The following DENND2B variants were observed in gnomAD, a reference collection of about 807,000 sequenced individuals.
The protein encoded by DENND2B is DENN domain-containing protein 2B.
Under a neutral mutation model 116.0 loss-of-function variants are expected in DENND2B, and 32 were observed. The observed-to-expected ratio is 0.28, with a 90% CI of 0.21 to 0.37. DENND2B has a LOEUF of 0.37. Among genes scored for constraint, DENND2B ranks in the 10% least tolerant of loss-of-function variants. The pLI is 1.00. For synonymous variants in DENND2B, 588 were observed against 583.9 expected, an observed-to-expected ratio of 1.01 and a Z score of -0.10; for missense variants, 1,276 against 1,477.7, an observed-to-expected ratio of 0.86 and a Z score of 2.24.
At chr11:8,710,478 G>A (rs868074227) in intron 11 of DENND2B, among the ~76,000 whole-genome samples, 7 of 151,984 alleles carry the variant, frequency 4.6e-5, no homozygotes, top group Admixed American at 1.3e-4. Flanking sequence ...CATACTGCTG[G>A]GGGCGATTCG....
At chr11:8,700,067 G>T (rs559606273) in intron 14 of DENND2B, 32 of 452,282 alleles carry the variant, frequency 7.1e-5, no homozygotes, top group Admixed American at 2.4e-4. Context: ...GCTGGCCTGG[G>T]GGGGGGCAGG....
intron 2 of DENND2B, among the ~76,000 whole-genome samples, chr11:8,747,059 G>T (rs1420905524): frequency 2.0e-5 from 3 of 152,008 alleles, no homozygotes; most frequent in Non-Finnish European, 2.9e-5. Flanking sequence ...CATTAGGAAG[G>T]TACTATAAGG....
intron 1 of DENND2B, among the ~76,000 whole-genome samples, chr11:8,899,004 T>A (rs1382997265): frequency 2.0e-5 from 3 of 152,066 alleles, no homozygotes; most frequent in African/African-American, 7.2e-5. Context: ...CAATATAGAA[T>A]ATCAATAAAA....
At chr11:8,837,350 C>G (rs572684157) in intron 4 of DENND2B, among the ~76,000 whole-genome samples, 187 of 151,278 alleles carry the variant, frequency 1.2e-3, no homozygotes, top group African/African-American at 4.4e-3. Context: ...AGTTGTTTCC[C>G]TTTATTTTTC....
chr11:8,842,323 A>T (rs770101736), intron 3 of DENND2B, among the ~76,000 whole-genome samples: 3 of 152,230 alleles, frequency 2.0e-5, no homozygotes, highest in Admixed American at 6.5e-5. Context: ...TGCTGGTCAC[A>T]TTCCGATGAC....
At chr11:8,858,501 G>A (rs547460720) in intron 2 of DENND2B, among the ~76,000 whole-genome samples, 104 of 152,202 alleles carry the variant, frequency 6.8e-4, no homozygotes, top group African/African-American at 2.3e-3. Flanking sequence ...TATTCAAGGA[G>A]AAGAGCATCC....
At chr11:8,824,988 T>G (rs1397815490) in intron 4 of DENND2B, among the ~76,000 whole-genome samples, 3 of 152,034 alleles carry the variant, frequency 2.0e-5, no homozygotes, top group Non-Finnish European at 4.4e-5. Context: ...CATGAGCCAC[T>G]GCACCCAGCA....
At chr11:8,882,181 A>G (rs548625656) in intron 1 of DENND2B, among the ~76,000 whole-genome samples, 1 of 152,260 alleles carries the variant, frequency 6.6e-6, no homozygotes, top group African/African-American at 2.4e-5. Flanking sequence ...TGTTCCAGAC[A>G]CCTCAAACTT....
At chr11:8,774,984 G>A (rs541890691) in intron 1 of DENND2B, among the ~76,000 whole-genome samples, 1 of 151,860 alleles carries the variant, frequency 6.6e-6, no homozygotes, top group Admixed American at 6.6e-5. Flanking sequence ...AGGTTCATGA[G>A]ATTCTCCCAC....
chr11:8,861,236 T>C (rs975754262), intron 2 of DENND2B, among the ~76,000 whole-genome samples: 2 of 151,920 alleles, frequency 1.3e-5, no homozygotes, highest in African/African-American at 4.8e-5. Context: ...AAATAACCAT[T>C]AAACAGACAA....
At chr11:8,699,755 T>C (rs1056576875) in intron 14 of DENND2B, 23 of 434,146 alleles carry the variant, frequency 5.3e-5, no homozygotes, top group Admixed American at 3.0e-4. Context: ...ATGCAGATCG[T>C]GGGTACCCTC....
At chr11:8,705,347 C>T (rs1240805539) in intron 13 of DENND2B, among the ~76,000 whole-genome samples, 1 of 152,162 alleles carries the variant, frequency 6.6e-6, no homozygotes, top group Non-Finnish European at 1.5e-5. Context: ...TCACTCCAGC[C>T]CAACTTCTGG....
At chr11:8,840,899 T>C (rs915379046) in intron 3 of DENND2B, among the ~76,000 whole-genome samples, 1 of 152,194 alleles carries the variant, frequency 6.6e-6, no homozygotes, top group African/African-American at 2.4e-5. Context: ...ATATTCCATA[T>C]TGAGTGAAAT....
At chr11:8,697,201 T>C (rs2040515914) in intron 17 of DENND2B, among the ~76,000 whole-genome samples, 1 of 152,242 alleles carries the variant, frequency 6.6e-6, no homozygotes, top group Non-Finnish European at 1.5e-5. Flanking sequence ...AGCACCACTT[T>C]CATCATATCC....
At chr11:8,832,395 T>TGGGCCG (rs2062244745) in intron 4 of DENND2B, among the ~76,000 whole-genome samples, 1 of 140,000 alleles carries the variant, frequency 7.1e-6, no homozygotes, top group Non-Finnish European at 1.5e-5. Flanking sequence ...GAGGTTGCTG[T>TGGGCCG]GGGCCGAGAT....
intron 19 of DENND2B, 109 bp downstream of exon 19, chr11:8,695,354 G>A: frequency 9.8e-7 from 1 of 1,024,986 alleles, no homozygotes; most frequent in South Asian, 1.4e-5. Context: ...TCTGTCTACA[G>A]CCCCAGTATA....
intron 1 of DENND2B, among the ~76,000 whole-genome samples, chr11:8,799,071 T>C (rs942067248): frequency 2.0e-5 from 3 of 152,112 alleles, no homozygotes; most frequent in Non-Finnish European, 2.9e-5. Flanking sequence ...ATCCACCCAC[T>C]TCAGCCTCCT....
intron 1 of DENND2B, among the ~76,000 whole-genome samples, chr11:8,894,412 C>A (rs2064073921): frequency 6.6e-6 from 1 of 152,054 alleles, no homozygotes; most frequent in Non-Finnish European, 1.5e-5. Context: ...TCTAATTAAA[C>A]TAAAGAGCTT....
At chr11:8,907,867 T>C (rs1244252268) in intron 1 of DENND2B, among the ~76,000 whole-genome samples, 1 of 152,106 alleles carries the variant, frequency 6.6e-6, no homozygotes, top group Non-Finnish European at 1.5e-5. Flanking sequence ...GGCTAGTTTT[T>C]TAATTTTTTA....
Sources: gnomAD v4.1 joint callset for allele counts (sites outside exome capture counted in the v4.1 genomes callset) on GRCh38, gnomAD v4.1.1 for gene constraint, MANE v1.5 for transcripts, NCBI Gene and HGNC (gene_info 2026-07-23, HGNC 2026-07-21) for gene names.